The following NRXN3 variants were observed in gnomAD, a reference collection of about 807,000 sequenced individuals.
NRXN3 encodes neurexin III.
Under a neutral mutation model 137.6 loss-of-function variants are expected in NRXN3, and 32 were observed. The observed-to-expected ratio is 0.23, with a 90% CI of 0.18 to 0.31. The LOEUF is 0.31. Ranked by LOEUF, NRXN3 falls within the 10% of genes least tolerant of loss-of-function variation. NRXN3 has a pLI of 1.00. For missense variants in NRXN3, 1,574 were observed against 2,062.5 expected (o/e 0.76, Z 4.59); for synonymous variants, 798 against 784.5 (o/e 1.02, Z -0.29).
chr14:78,334,263 A>G (rs993826420), intron 4 of NRXN3, among the ~76,000 whole-genome samples: 4 of 152,084 alleles, frequency 2.6e-5, no homozygotes, highest in Non-Finnish European at 4.4e-5. Flanking sequence ...GGCTGGAGAT[A>G]TACACTTGAG....
intron 4 of NRXN3, among the ~76,000 whole-genome samples, chr14:78,595,943 A>G (rs1454730917): frequency 6.6e-6 from 1 of 152,214 alleles, no homozygotes; most frequent in Non-Finnish European, 1.5e-5. Context: ...GACAATTCGC[A>G]TAGCTGCAGA....
At chr14:78,862,222 T>A (rs745841869) in intron 10 of NRXN3, among the ~76,000 whole-genome samples, 108 of 151,564 alleles carry the variant, frequency 7.1e-4, no homozygotes, top group Non-Finnish European at 8.7e-4. Flanking sequence ...AGAATATCTA[T>A]AACAAGATTG....
chr14:78,828,837 T>G (rs215515), intron 10 of NRXN3, among the ~76,000 whole-genome samples: 152,035 of 152,332 alleles, frequency 1, 75,869 homozygotes, highest in East Asian at 1. Context: ...GCATAAAGAC[T>G]TAAGTGAGTT....
intron 15 of NRXN3, among the ~76,000 whole-genome samples, chr14:79,061,979 A>G (rs1221777594): frequency 6.6e-6 from 1 of 152,208 alleles, no homozygotes; most frequent in African/African-American, 2.4e-5. Context: ...GGTGAAACAC[A>G]CAAGCACATA....
rs182385992 is a variant in NRXN3, at chr14:78,388,075, A to G, written c.757+90215A>G. 1.2e-3 allele frequency among the ~76,000 whole-genome samples: 177 copies of G among 152,326 alleles called. 1 individual carries two copies. The highest frequency in any genetic ancestry group is 4.1e-3 in the African/African-American group (172 of 41,584). ...CTTTAATGAGTGCCTAATTTGTGTC[A>G]GCCCCAGACCAGATACTCCCATATG... On this transcript the variant is annotated intron_variant, in intron 4 of 20. Transcript: ENST00000335750.
chr14:79,075,105 G>T (rs760909936), intron 15 of NRXN3, among the ~76,000 whole-genome samples: 16 of 152,056 alleles, frequency 1.1e-4, no homozygotes, highest in Non-Finnish European at 2.2e-4. Flanking sequence ...AAAATCAAAT[G>T]GTGTCAGAGC....
chr14:79,868,086 C>G lies in NRXN3; in HGVS notation c.*6122C>G, dbSNP rs924767052. On this transcript the variant is annotated 3_prime_UTR_variant, in exon 21 of 21. Transcript: ENST00000335750. ...ATACCTATAATTTTGTTATACTTAT[C>G]TTGCAGGTTTCTTGAGAAATATTGG... The G allele has an allele frequency of 2.0e-5, 3 of 151,892 alleles. No individual in the cohort carries two copies. The highest frequency in any genetic ancestry group is 2.9e-5 in the Non-Finnish European group (2 of 68,004). 9.4% of individuals were successfully genotyped at this position (151,892 alleles called of 1,614,324 possible).
chr14:78,361,521 T>A (rs2085114402), intron 4 of NRXN3, among the ~76,000 whole-genome samples: 1 of 152,200 alleles, frequency 6.6e-6, no homozygotes, highest in Non-Finnish European at 1.5e-5. Flanking sequence ...GTAGTTAATT[T>A]CTCTAGATCT....
chr14:78,852,667 G>A (rs2099045769), intron 10 of NRXN3, among the ~76,000 whole-genome samples: 1 of 152,060 alleles, frequency 6.6e-6, no homozygotes, highest in Non-Finnish European at 1.5e-5. Flanking sequence ...TCAGGTGGAG[G>A]AGCATTTTAG....
At chr14:79,729,680 A>G (rs759726717) in intron 19 of NRXN3, among the ~76,000 whole-genome samples, 1 of 152,268 alleles carries the variant, frequency 6.6e-6, no homozygotes, top group Admixed American at 6.5e-5. Flanking sequence ...CAAAGTCAAA[A>G]TAACAACTCT....
intron 15 of NRXN3, among the ~76,000 whole-genome samples, chr14:79,068,981 G>A (rs2099684092): frequency 6.6e-6 from 1 of 152,024 alleles, no homozygotes; most frequent in Non-Finnish European, 1.5e-5. Context: ...AATACTAGCA[G>A]GAGAGTTACT....
At chr14:79,154,750 A>C (rs2060106972) in intron 15 of NRXN3, among the ~76,000 whole-genome samples, 1 of 151,954 alleles carries the variant, frequency 6.6e-6, no homozygotes, top group South Asian at 2.1e-4. Flanking sequence ...TAAAGGTTAC[A>C]GAACACAATA....
intron 16 of NRXN3, among the ~76,000 whole-genome samples, chr14:79,623,853 T>G (rs890148436): frequency 2.0e-5 from 3 of 150,654 alleles, no homozygotes; most frequent in South Asian, 2.1e-4. Context: ...GCTCCTGTTT[T>G]TTTTTTTTTT....
intron 15 of NRXN3, among the ~76,000 whole-genome samples, chr14:79,197,238 C>A (rs1042164522): frequency 2.0e-5 from 3 of 152,166 alleles, no homozygotes; most frequent in African/African-American, 7.2e-5. Context: ...TGGGTAGGTG[C>A]ATGGTAGTCA....
At chr14:78,218,368 T>C (rs184235556) in intron 1 of NRXN3, among the ~76,000 whole-genome samples, 184 of 152,218 alleles carry the variant, frequency 1.2e-3, no homozygotes, top group African/African-American at 3.2e-3. Context: ...TCTTTTTTTT[T>C]CCCAAAGTCT....
chr14:79,550,446 G>A (rs933297899), intron 16 of NRXN3, among the ~76,000 whole-genome samples: 2 of 152,118 alleles, frequency 1.3e-5, no homozygotes, highest in Non-Finnish European at 2.9e-5. Context: ...CTGCCTCCTT[G>A]TTTGTGTCTT....
chr14:78,831,994 G>C (rs984728018), intron 10 of NRXN3, among the ~76,000 whole-genome samples: 1 of 151,832 alleles, frequency 6.6e-6, no homozygotes, highest in Non-Finnish European at 1.5e-5. Context: ...TGGGGAGTGG[G>C]GTAAAAGAGG....
chr14:79,840,132 A>C (rs2099352878), intron 20 of NRXN3, among the ~76,000 whole-genome samples: 1 of 152,158 alleles, frequency 6.6e-6, no homozygotes, highest in Admixed American at 6.6e-5. Context: ...ACTTTAGTCC[A>C]GTTGGGTCTA....
intron 19 of NRXN3, among the ~76,000 whole-genome samples, chr14:79,698,138 G>A (rs917063965): frequency 1.3e-5 from 2 of 151,924 alleles, no homozygotes; most frequent in Non-Finnish European, 2.9e-5. Flanking sequence ...GCACTCCTGG[G>A]TTGTTATTCT....
Sources: allele counts gnomAD v4.1 joint callset (sites outside exome capture counted in the v4.1 genomes callset), GRCh38; gene constraint gnomAD v4.1.1; transcripts MANE v1.5; gene names NCBI Gene and HGNC (gene_info 2026-07-23, HGNC 2026-07-21).